SLC6A20: variants seen among roughly 807,000 people sequenced by gnomAD.
The protein encoded by SLC6A20 is sodium- and chloride-dependent transporter XTRP3.
Under a neutral mutation model 64.3 loss-of-function variants are expected in SLC6A20, and 73 were observed. The ratio of observed to expected loss-of-function variants is 1.14; its 90% CI spans 0.94 to 1.38. The LOEUF is 1.38. SLC6A20 is among the 40% of genes most tolerant of loss of function. The pLI, the probability that SLC6A20 is intolerant of heterozygous loss-of-function variation, is 0.00. For missense variants in SLC6A20, 725 were observed against 772.8 expected, an observed-to-expected ratio of 0.94 and a Z score of 0.73; for synonymous variants, 347 against 329.6, an observed-to-expected ratio of 1.05 and a Z score of -0.57.
intron 1 of SLC6A20, among the ~76,000 whole-genome samples, chr3:45,784,932 A>C (rs1024588397): frequency 2.0e-5 from 3 of 152,140 alleles, no homozygotes; most frequent in African/African-American, 7.2e-5. Flanking sequence ...CTTTTATAAC[A>C]AACCCACTCT....
chr3:45,771,678 G>A (rs757881033), intron 5 of SLC6A20: 87 of 677,458 alleles, frequency 1.3e-4, no homozygotes, highest in Middle Eastern at 4.2e-4. Context: ...CTAAGGTGCT[G>A]TGGAGAATAC....
At chr3:45,789,976 C>T (rs1041373530) in intron 1 of SLC6A20, among the ~76,000 whole-genome samples, 2 of 152,164 alleles carry the variant, frequency 1.3e-5, no homozygotes, top group African/African-American at 4.8e-5. Flanking sequence ...CATGTTGTTG[C>T]TTATTTTTCT....
At chr3:45,772,793 G>A (rs974010476) in intron 4 of SLC6A20, among the ~76,000 whole-genome samples, 178 bp from the exon 5 acceptor site, 2 of 152,116 alleles carry the variant, frequency 1.3e-5, no homozygotes, top group African/African-American at 2.4e-5. Context: ...CTGGGGAAGT[G>A]GGCTGGTGGG....
intron 9 of SLC6A20, among the ~76,000 whole-genome samples, 178 bp from the exon 10 acceptor site, chr3:45,760,200 G>C (rs1559560769): frequency 1.3e-5 from 2 of 152,224 alleles, no homozygotes; most frequent in African/African-American, 2.4e-5. Flanking sequence ...GCGGTGGGGA[G>C]GGGAGAAGGG....
At chr3:45,781,976 G>T (rs2125652143) in intron 2 of SLC6A20, 107 bp downstream of exon 2, 1 of 1,395,086 alleles carries the variant, frequency 7.2e-7, no homozygotes, top group Non-Finnish European at 9.4e-7. Context: ...TCTCTCTTGG[G>T]CCTTGTGCTC....
intron 2 of SLC6A20, 35 bp downstream of exon 2, chr3:45,782,048 T>A: frequency 6.4e-7 from 1 of 1,558,126 alleles, no homozygotes; most frequent in Non-Finnish European, 8.7e-7. Flanking sequence ...TGCCCGGGTC[T>A]CTGGGTGGGA....
rs1193489381 is a variant in SLC6A20 at position 45,759,960 on chromosome 3, C to T, written c.1526G>A (p.Trp509Ter). ...AATCAGCAGTGGGCTTACGCCAGCC[C>T]ACATCACCTTCCAGTACCAGCTCAC... ...RAVSWYWKVM[W>*]AGVSPLLIVS... is the part of the protein sequence containing the mutation. The change falls in exon 10 of 11, where the codon TGG becomes TAG. Residue 509 changes from tryptophan to a stop codon, truncating the protein, a stop_gained. Transcript: ENST00000358525. LOFTEE classifies it high-confidence loss of function. The T allele has an allele frequency of 2.5e-6, 4 of 1,614,080 alleles. No homozygotes were observed. Among genetic ancestry groups the T allele is most frequent in the Non-Finnish European group, 3.4e-6 (4 of 1,180,032 alleles).
Position 45,765,525 on chromosome 3 carries a change from G to A in SLC6A20, c.1303+12C>T, listed in dbSNP as rs757099899. 5 of 1,607,258 alleles carry A rather than the reference G, an allele frequency of 3.1e-6. No homozygotes were observed. The highest frequency in any genetic ancestry group is 4.2e-6 in the Non-Finnish European group (5 of 1,177,266). ...CTGACCCCTGCCTCCTCCACTGGCT[G>A]GCCCCGCTGACCTGAGATGGCCTCC... On this transcript the variant is annotated intron_variant, in intron 8 of 10. Coordinates refer to ENST00000358525, the MANE Select transcript of SLC6A20 (RefSeq NM_020208.4). This position sits in a 1 kb window ranked among gnomAD's most constrained non-coding sequence, Gnocchi z 4.2.
rs147309003 is a variant in SLC6A20, at chr3:45,759,919, A to G, written c.1567T>C (p.Phe523Leu). The G allele has an allele frequency of 6.2e-7, 1 of 1,614,188 alleles. No individual in the cohort carries two copies. The highest frequency in any genetic ancestry group is 8.5e-7 in the Non-Finnish European group (1 of 1,180,032). Residue 523 changes from phenylalanine to leucine, a missense_variant, in exon 10 of 11, where the codon TTC (phenylalanine) becomes CTC (leucine). Transcript: ENST00000358525. ...GTGAGGATGTAGTCGCTCAGGTAGA[A>G]GACAAAGAGGCTGACAATCAGCAGT... ...SPLLIVSLFV[F>L]YLSDYILTGT...
At chr3:45,771,792 C>T (rs1051427086) in intron 5 of SLC6A20, 36 of 381,956 alleles carry the variant, frequency 9.4e-5, no homozygotes, top group Admixed American at 4.0e-4. Context: ...TACGCCAGTG[C>T]GGAGGTGTGC....
At chr3:45,791,707 GA>G (rs1337016226) in intron 1 of SLC6A20, 1 of 158,538 alleles carries the variant, frequency 6.3e-6, no homozygotes, top group Non-Finnish European at 1.4e-5. Flanking sequence ...AGGTGAAGGG[GA>G]AGTAGGCACG....
chr3:45,763,543 G>A (rs1291599486), intron 8 of SLC6A20, among the ~76,000 whole-genome samples: 1 of 152,178 alleles, frequency 6.6e-6, no homozygotes, highest in Non-Finnish European at 1.5e-5. Context: ...AGAAGAGGGT[G>A]GGGCAGGGAA....
At chr3:45,766,821 C>G (rs1490642568) in intron 7 of SLC6A20, among the ~76,000 whole-genome samples, 1 of 152,184 alleles carries the variant, frequency 6.6e-6, no homozygotes, top group African/African-American at 2.4e-5. Flanking sequence ...TTGGACTTCT[C>G]AGCCTCTAGG....
At chr3:45,759,469 C>A (rs138454341) in intron 10 of SLC6A20, among the ~76,000 whole-genome samples, 2,461 of 152,350 alleles carry the variant, frequency 0.016, 35 homozygotes, top group Non-Finnish European at 0.024. Context: ...TAGGCGACTA[C>A]TCTTAGCCTG....
intron 9 of SLC6A20, among the ~76,000 whole-genome samples, chr3:45,760,739 C>A (rs533074832): frequency 6.6e-6 from 1 of 152,238 alleles, no homozygotes; most frequent in African/African-American, 2.4e-5. Context: ...AAACTAAGTA[C>A]GTGTGTTTTT....
In SLC6A20 at chr3:45,765,659, A is replaced by G; in HGVS notation, c.1181T>C (p.Leu394Pro). ...CAGCATCAGCAGCATGAAGAAGTAG[A>G]GCACCGACCACAGCTGGGACACCTC... The part of the protein sequence containing the change: ...NMEVSQLWSV[L>P]YFFMLLMLGI... Residue 394 changes from leucine (L) to proline (P), a missense_variant, in exon 8 of 11, where the codon CTC (leucine) becomes CCC (proline). Coordinates refer to ENST00000358525, the MANE Select transcript of SLC6A20 (RefSeq NM_020208.4). This position sits in a 1 kb window ranked among gnomAD's most constrained non-coding sequence, Gnocchi z 4.2. 6.2e-7 allele frequency: 1 copy of G among 1,614,188 alleles called. No homozygotes were observed. The highest frequency in any genetic ancestry group is 1.1e-5 in the South Asian group (1 of 91,080).
intron 3 of SLC6A20, among the ~76,000 whole-genome samples, chr3:45,777,379 A>G (rs1699987702): frequency 6.6e-6 from 1 of 151,932 alleles, no homozygotes; most frequent in Admixed American, 6.6e-5. Flanking sequence ...TCTTGCTTTG[A>G]CCCATATCGT....
In SLC6A20 at chr3:45,759,096, T is replaced by G. The variant is rs1351029562; in HGVS notation, c.1661A>C (p.Tyr554Ser). The G allele has an allele frequency of 4.3e-6, 7 of 1,611,784 alleles. No individual in the cohort carries two copies. The highest frequency in any genetic ancestry group is 5.9e-6 in the Non-Finnish European group (7 of 1,179,424). ...GQLVTKDYPA[Y>S]ALAVIGLLVA... ...AAGCAGCCCGATGACAGCCAGTGCATAGGCCGGGTAATCTTTGGTCACGAG... is the reference window on the plus strand; with the variant it reads ...AAGCAGCCCGATGACAGCCAGTGCAGAGGCCGGGTAATCTTTGGTCACGAG... Residue 554 changes from tyrosine (Y) to serine (S), a missense_variant, in exon 11 of 11, where the codon TAT (tyrosine) becomes TCT (serine). Physicochemically the swap from Tyr to Ser is moderately radical, Grantham distance 144. Coordinates refer to ENST00000358525, the MANE Select transcript of SLC6A20 (RefSeq NM_020208.4).
Position 45,765,856 on chromosome 3 carries a change from T to A in SLC6A20, c.1099-115A>T. 1.8e-6 allele frequency: 2 copies of A among 1,130,132 alleles called. No individual in the cohort carries two copies. The highest frequency in any genetic ancestry group is 1.4e-5 in the South Asian group (1 of 69,918). 70.0% of individuals were successfully genotyped at this position (1,130,132 alleles called of 1,614,324 possible). ...GAAGTGGCCATGAGAAGCCACATTG[T>A]GAGGTTGGAGCTTCCATCTGCAGAT... On this transcript the variant is annotated intron_variant, in intron 7 of 10. Coordinates refer to ENST00000358525, the MANE Select transcript of SLC6A20 (RefSeq NM_020208.4). The surrounding 1 kb of genome is among the most constrained non-coding windows in gnomAD (Gnocchi z 4.2).
Sources: gnomAD v4.1 joint callset for allele counts (sites outside exome capture counted in the v4.1 genomes callset) on GRCh38, gnomAD v4.1.1 for gene constraint, Gnocchi (gnomAD v3.1) non-coding constraint, MANE v1.5 for transcripts, NCBI Gene and HGNC (gene_info 2026-07-23, HGNC 2026-07-21) for gene names.